ATP7B: variants seen among roughly 807,000 people sequenced by gnomAD.
The protein encoded by ATP7B is copper-transporting ATPase 2.
ATP7B carries 113 observed loss-of-function variants against 118.9 expected under a neutral mutation model. The observed-to-expected ratio is 0.95, with a 90% CI of 0.82 to 1.11. The LOEUF (loss-of-function observed/expected upper bound fraction) is 1.11, where lower values mean the gene tolerates loss of function less well. Ranked by LOEUF, ATP7B falls within the 50% of genes most tolerant of loss-of-function variation. ATP7B has a pLI of 0.00. For missense variants in ATP7B, 1,867 were observed against 1,871.4 expected (o/e 1.00, Z 0.04); for synonymous variants, 777 against 727.4 (o/e 1.07, Z -1.10).
chr13:51,973,435 C>A (rs1420759499), intron 2 of ATP7B, among the ~76,000 whole-genome samples: 1 of 152,176 alleles, frequency 6.6e-6, no homozygotes, highest in Non-Finnish European at 1.5e-5. Flanking sequence ...CATGAGGGTT[C>A]TACCCTCATG....
chr13:51,981,408 A>G (rs1952410279), intron 1 of ATP7B, among the ~76,000 whole-genome samples: 1 of 152,228 alleles, frequency 6.6e-6, no homozygotes, highest in African/African-American at 2.4e-5. Context: ...ACTTTCCTCA[A>G]TATCCCTAAT....
intron 1 of ATP7B, among the ~76,000 whole-genome samples, chr13:52,001,639 T>G (rs1443397721): frequency 6.6e-6 from 1 of 152,196 alleles, no homozygotes; most frequent in Non-Finnish European, 1.5e-5. Flanking sequence ...CCCATCTAAA[T>G]TTCATACACT....
At chr13:51,982,547 G>T (rs1252466066) in intron 1 of ATP7B, among the ~76,000 whole-genome samples, 1 of 152,140 alleles carries the variant, frequency 6.6e-6, no homozygotes, top group East Asian at 1.9e-4. Flanking sequence ...GGCATCTGGC[G>T]GGAGTAATAA....
At chr13:51,969,721 A>G (rs970193650) in intron 3 of ATP7B, among the ~76,000 whole-genome samples, 9 of 152,246 alleles carry the variant, frequency 5.9e-5, no homozygotes, top group African/African-American at 2.2e-4. Flanking sequence ...GGCTAATTTT[A>G]TGAGCAGTCA....
chr13:51,961,714 G>A, intron 6 of ATP7B, 123 bp downstream of exon 6: 1 of 931,544 alleles, frequency 1.1e-6, no homozygotes, highest in Non-Finnish European at 1.7e-6. Context: ...ACATTACAAG[G>A]GTAAAGGCAG....
At chr13:51,973,084 C>A (rs1449572363) in intron 2 of ATP7B, among the ~76,000 whole-genome samples, 5 of 152,116 alleles carry the variant, frequency 3.3e-5, no homozygotes, top group Non-Finnish European at 7.4e-5. Context: ...CTCTTATATT[C>A]ATCAAACAGG....
At chr13:52,009,718 CT>C (rs565456410) in intron 1 of ATP7B, among the ~76,000 whole-genome samples, 9 of 151,478 alleles carry the variant, frequency 5.9e-5, no homozygotes, top group South Asian at 2.1e-4. Flanking sequence ...TTGTTTATCC[CT>C]TTTTTTTTCC....
intron 1 of ATP7B, among the ~76,000 whole-genome samples, chr13:52,003,593 C>T (rs926046818): frequency 1.3e-5 from 2 of 151,910 alleles, no homozygotes; most frequent in African/African-American, 4.8e-5. Context: ...AGTAGACTTG[C>T]TCAGTGCAGG....
intron 1 of ATP7B, among the ~76,000 whole-genome samples, chr13:51,992,956 GAT>G: frequency 8.6e-6 from 1 of 115,638 alleles, no homozygotes; most frequent in East Asian, 2.9e-4. Context: ...CTATAGCCTG[GAT>G]GACAGAGCAA....
At chr13:51,980,388 A>G in intron 1 of ATP7B, among the ~76,000 whole-genome samples, 1 of 152,234 alleles carries the variant, frequency 6.6e-6, no homozygotes, top group East Asian at 1.9e-4. Context: ...AGGAGGCCAC[A>G]GAAGGGAGTC....
At chr13:51,981,744 A>G (rs969180373) in intron 1 of ATP7B, among the ~76,000 whole-genome samples, 5 of 152,224 alleles carry the variant, frequency 3.3e-5, no homozygotes, top group Admixed American at 1.3e-4. Flanking sequence ...ATCAGTAGAG[A>G]AAATTCAGGT....
At chr13:51,991,577 T>C (rs1593843792) in intron 1 of ATP7B, among the ~76,000 whole-genome samples, 1 of 152,328 alleles carries the variant, frequency 6.6e-6, no homozygotes, top group East Asian at 1.9e-4. Flanking sequence ...CTTAAGCAGT[T>C]GTTTCTGGAA....
rs1414022893 is a variant in ATP7B at position 51,949,719 on chromosome 13, C to A, written c.2808G>T (p.Leu936Phe). The A allele has an allele frequency of 6.8e-6, 11 of 1,613,980 alleles. No homozygotes were observed. Among genetic ancestry groups the A allele is most frequent in the Non-Finnish European group, 7.6e-6 (9 of 1,180,026 alleles). Residue 936 changes from leucine (L) to phenylalanine (F), a missense_variant, in exon 12 of 21, where the codon TTG (leucine) becomes TTT (phenylalanine). Physicochemically the swap from Leu to Phe is conservative, Grantham distance 22. Coordinates refer to ENST00000242839, the MANE Select transcript of ATP7B (RefSeq NM_000053.4). ...TAAAACCGATTACAATCCATACCAC[C>A]AACGTCAAAGTTGACATGATGATGA... Reference protein sequence around the residue: ...PFIIIMSTLTLVVWIVIGFID... With the variant: ...PFIIIMSTLTFVVWIVIGFID...
chr13:52,007,490 A>G (rs1209931989), intron 1 of ATP7B, among the ~76,000 whole-genome samples: 1 of 152,198 alleles, frequency 6.6e-6, no homozygotes, highest in African/African-American at 2.4e-5. Flanking sequence ...ATTGTTCCCC[A>G]AACTCTAACA....
At chr13:51,990,435 T>C (rs1195197970) in intron 1 of ATP7B, among the ~76,000 whole-genome samples, 1 of 146,726 alleles carries the variant, frequency 6.8e-6, no homozygotes, top group Non-Finnish European at 1.5e-5. Context: ...TTTTTAAAAA[T>C]AGGTGAATTT....
At chr13:52,011,140 T>C in intron 1 of ATP7B, 147 bp downstream of exon 1, 2 of 1,221,446 alleles carry the variant, frequency 1.6e-6, no homozygotes, top group East Asian at 4.7e-5. Context: ...AGGGTCCTTT[T>C]CTCCCACGCC....
Position 51,935,623 on chromosome 13 carries a change from G to A in ATP7B, c.4094C>T (p.Ser1365Phe), listed in dbSNP as rs747301758. 1 of 1,613,838 alleles carries A rather than the reference G, an allele frequency of 6.2e-7. No individual in the cohort carries two copies. Among genetic ancestry groups the A allele is most frequent in the Non-Finnish European group, 8.5e-7 (1 of 1,179,966 alleles). ...GAGCTGCAGGGATGAGAGCACCACA[G>A]ACACAGAGGAGGCTGCCATGGCCGC... ...GSAAMAASSV[S>F]VVLSSLQLKC... Residue 1365 changes from serine (S) to phenylalanine (F), a missense_variant, in exon 20 of 21, where the codon TCT (serine) becomes TTT (phenylalanine). Transcript: ENST00000242839.
intron 1 of ATP7B, among the ~76,000 whole-genome samples, chr13:51,996,096 T>C (rs955718854): frequency 1.3e-4 from 20 of 152,180 alleles, no homozygotes; most frequent in African/African-American, 4.6e-4. Context: ...GAATACTTGG[T>C]GAGAGAAGTA....
intron 1 of ATP7B, among the ~76,000 whole-genome samples, chr13:51,997,733 T>A (rs933804372): frequency 5.3e-5 from 8 of 152,138 alleles, no homozygotes; most frequent in African/African-American, 1.7e-4. Flanking sequence ...AATTTAATAG[T>A]AGAATACGAT....
Sources: allele counts gnomAD v4.1 joint callset (sites outside exome capture counted in the v4.1 genomes callset), GRCh38; gene constraint gnomAD v4.1.1; transcripts MANE v1.5; gene names NCBI Gene and HGNC (gene_info 2026-07-23, HGNC 2026-07-21).